TBCE: variants seen among roughly 807,000 people sequenced by gnomAD.
TBCE encodes tubulin-specific chaperone E.
In TBCE, 53 loss-of-function variants were observed where a neutral mutation model predicts 77.0. The ratio of observed to expected loss-of-function variants is 0.69; its 90% CI spans 0.55 to 0.87. The LOEUF is 0.87. TBCE is among the 40% of genes least tolerant of loss of function. The pLI is 0.00. For missense variants in TBCE, 624 were observed against 622.4 expected (o/e 1.00, Z -0.03); for synonymous variants, 235 against 241.3 (o/e 0.97, Z 0.24).
chr1:235,442,955 G>C, intron 15 of TBCE, 44 bp downstream of exon 15: 1 of 1,598,236 alleles, frequency 6.3e-7, no homozygotes, highest in Non-Finnish European at 8.6e-7. Context: ...CTGAATCATC[G>C]GCCTAGGTAT....
intron 3 of TBCE, among the ~76,000 whole-genome samples, chr1:235,403,579 A>G (rs1340222309): frequency 2.0e-5 from 3 of 152,048 alleles, no homozygotes; most frequent in Admixed American, 1.3e-4. Flanking sequence ...AATTGTCCAT[A>G]CTTTTATGGT....
intron 1 of TBCE, among the ~76,000 whole-genome samples, chr1:235,368,503 G>T: frequency 8.1e-6 from 1 of 123,516 alleles, no homozygotes; most frequent in Non-Finnish European, 1.7e-5. Context: ...ATATACTGTT[G>T]TAAACAGCAT....
intron 15 of TBCE, among the ~76,000 whole-genome samples, chr1:235,445,512 T>A (rs1184284607): frequency 1.3e-5 from 2 of 152,140 alleles, no homozygotes; most frequent in Non-Finnish European, 2.9e-5. Context: ...GGTGCATGCC[T>A]GTAGTCCCAG....
At chr1:235,445,911 G>A (rs574638592) in intron 15 of TBCE, among the ~76,000 whole-genome samples, 3 of 152,324 alleles carry the variant, frequency 2.0e-5, no homozygotes, top group Admixed American at 1.3e-4. Flanking sequence ...AGGCACTGTC[G>A]TGTGTCACCG....
chr1:235,442,008 ATTT>A (rs376999568), intron 14 of TBCE, 126 bp downstream of exon 14: 459 of 594,292 alleles, frequency 7.7e-4, no homozygotes, highest in East Asian at 1.2e-3. Context: ...TTAAATGAAA[ATTT>A]TTTTTTTTTT....
intron 15 of TBCE, among the ~76,000 whole-genome samples, chr1:235,443,768 A>G (rs927114301): frequency 1.3e-5 from 2 of 152,202 alleles, no homozygotes; most frequent in Admixed American, 1.3e-4. Context: ...GACACCCTGA[A>G]ATGGTTTTCT....
rs764111770 is a variant in TBCE at position 235,436,567 on chromosome 1, T to A, written c.922T>A (p.Ser308Thr). The part of the protein sequence containing the change: ...GIGCKTSMFP[S>T]LKYLVVNDNQ... ...AGGGTGCAAAACGTCCATGTTCCCATCCTTGAAGTACCTGGTAGTAAACGA... is the reference window on the plus strand; with the variant it reads ...AGGGTGCAAAACGTCCATGTTCCCAACCTTGAAGTACCTGGTAGTAAACGA... The change falls in exon 11 of 17, where the codon TCC becomes ACC. Residue 308 changes from serine (S) to threonine (T), a missense_variant. Physicochemically the swap from Ser to Thr is moderately conservative, Grantham distance 58. Coordinates refer to ENST00000642610, the MANE Select transcript of TBCE (RefSeq NM_003193.5). The A allele has an allele frequency of 4.3e-6, 7 of 1,614,108 alleles. No homozygotes were observed. The East Asian group carries it at 1.6e-4, about 36-fold the overall frequency.
chr1:235,442,742 C>A, intron 14 of TBCE, 110 bp from the exon 15 acceptor site: 1 of 1,007,550 alleles, frequency 9.9e-7, no homozygotes. Flanking sequence ...TTAGACCTGC[C>A]AATTTGCACT....
intron 1 of TBCE, among the ~76,000 whole-genome samples, chr1:235,378,533 A>T (rs1460204966): frequency 6.6e-6 from 1 of 152,134 alleles, no homozygotes; most frequent in Middle Eastern, 3.2e-3. Context: ...CAACACTGCT[A>T]GCTTTTTAAA....
chr1:235,419,564 A>G lies in TBCE; in HGVS notation c.460+3A>G. The stretch of plus-strand genomic sequence containing the variant: ...AGGAGTTGCTGAAGCATGTCCTAGT[A>G]TCCTTTTCACCGAGAGCTTGTTATT... On this transcript the variant is annotated splice_donor_region_variant and intron_variant, in intron 5 of 16. Coordinates refer to ENST00000642610, the MANE Select transcript of TBCE (RefSeq NM_003193.5). 4 of 1,613,992 alleles carry G rather than the reference A, an allele frequency of 2.5e-6. No homozygotes were observed. The highest frequency in any genetic ancestry group is 3.4e-6 in the Non-Finnish European group (4 of 1,180,000).
At chr1:235,422,916 C>T (rs756482642) in intron 5 of TBCE, among the ~76,000 whole-genome samples, 2 of 152,210 alleles carry the variant, frequency 1.3e-5, no homozygotes, top group Non-Finnish European at 2.9e-5. Context: ...CCTGAAGAAT[C>T]AGCATGTTGT....
At chr1:235,377,896 C>T (rs1347580522) in intron 1 of TBCE, among the ~76,000 whole-genome samples, 3 of 151,902 alleles carry the variant, frequency 2.0e-5, no homozygotes, top group Non-Finnish European at 2.9e-5. Flanking sequence ...TGTGATCCAC[C>T]CGCCTCGGCC....
Position 235,448,818 on chromosome 1 carries a change from G to C in TBCE, c.*56G>C. 4.0e-6 allele frequency: 5 copies of C among 1,249,644 alleles called. No individual in the cohort carries two copies. Among genetic ancestry groups the C allele is most frequent in the Non-Finnish European group, 5.9e-6 (5 of 854,676 alleles). The allele number at this position is 1,249,644 out of a possible 1,614,324, so 77.4% of individuals were successfully genotyped here. A position where few individuals can be genotyped will look rare whatever the true frequency, so the allele number is the denominator to read the frequency against. The stretch of plus-strand genomic sequence containing the variant: ...TGCTTATCGTGTCTGGGGTTCACCG[G>C]AAATAAATGATTCACTGGAACAATT... On this transcript the variant is annotated 3_prime_UTR_variant, in exon 17 of 17. Coordinates refer to ENST00000642610, the MANE Select transcript of TBCE (RefSeq NM_003193.5).
intron 7 of TBCE, 36 bp from the exon 8 acceptor site, chr1:235,434,168 G>A (rs1261426694): frequency 1.9e-6 from 3 of 1,607,210 alleles, no homozygotes; most frequent in Non-Finnish European, 2.6e-6. Flanking sequence ...ACAGCCAGCA[G>A]AGGCCGCCTG....
chr1:235,398,911 C>T (rs1304965489), intron 2 of TBCE, among the ~76,000 whole-genome samples: 1 of 151,908 alleles, frequency 6.6e-6, no homozygotes, highest in Non-Finnish European at 1.5e-5. Flanking sequence ...TCCCAAAGTG[C>T]TGGGATCATG....
chr1:235,433,182 T>A, intron 7 of TBCE: 3 of 1,322,996 alleles, frequency 2.3e-6, no homozygotes, highest in Non-Finnish European at 2.9e-6. Context: ...GTGAGTCAGA[T>A]GATTCCATTC....
At chr1:235,414,710 C>A in intron 4 of TBCE, 92 bp downstream of exon 4, 1 of 1,292,938 alleles carries the variant, frequency 7.7e-7, no homozygotes, top group Non-Finnish European at 1.1e-6. Context: ...ATGCTCATGA[C>A]TTTGCTCCTA....
At chr1:235,410,685 C>T (rs1679735025) in intron 3 of TBCE, among the ~76,000 whole-genome samples, 1 of 152,166 alleles carries the variant, frequency 6.6e-6, no homozygotes. Context: ...TGCTCTGGTT[C>T]AAACGTCTCT....
chr1:235,378,340 C>A (rs555702167), intron 1 of TBCE, among the ~76,000 whole-genome samples: 3 of 152,234 alleles, frequency 2.0e-5, no homozygotes, highest in African/African-American at 7.2e-5. Context: ...CCCACTTCAG[C>A]TTCCCAAGTA....
Sources: allele counts gnomAD v4.1 joint callset (sites outside exome capture counted in the v4.1 genomes callset), GRCh38; gene constraint gnomAD v4.1.1; transcripts MANE v1.5; gene names NCBI Gene and HGNC (gene_info 2026-07-23, HGNC 2026-07-21).